H6PD: variants seen among roughly 807,000 people sequenced by gnomAD.
H6PD encodes the protein hexose-6-phosphate dehydrogenase/glucose 1-dehydrogenase.
H6PD carries 48 observed loss-of-function variants against 61.2 expected under a neutral mutation model. The observed-to-expected ratio is 0.78, with a 90% confidence interval of 0.62 to 1.00. The LOEUF is 1.00. H6PD is among the 50% of genes least tolerant of loss of function. H6PD has a pLI of 0.00. For missense variants in H6PD, 1,093 were observed against 1,065.0 expected, an observed-to-expected ratio of 1.03 and a Z score of -0.37; for synonymous variants, 480 against 457.9, an observed-to-expected ratio of 1.05 and a Z score of -0.62.
rs376670846 is a variant in H6PD at position 9,245,428 on chromosome 1, G to A, written c.494G>A (p.Gly165Asp). 1.9e-6 allele frequency: 3 copies of A among 1,614,136 alleles called. No homozygotes were observed. The African/African-American group carries it at 4.0e-5, about 22-fold the overall frequency. The change falls in exon 2 of 5, where the codon GGC becomes GAC. Residue 165 changes from glycine to aspartate, a missense_variant. Physicochemically the swap from Gly to Asp is moderately conservative, Grantham distance 94. Coordinates refer to ENST00000377403, the MANE Select transcript of H6PD (RefSeq NM_004285.4). This position sits in a 1 kb window ranked among gnomAD's most constrained non-coding sequence, Gnocchi z 4.8. Reference sequence around the variant, plus strand: ...AACAGTAGCTGCCGGCCAGGCCCGGGCGCCTGGCTGCGGGTTGTCCTTGAG... The same window carrying A: ...AACAGTAGCTGCCGGCCAGGCCCGGACGCCTGGCTGCGGGTTGTCCTTGAG... ...NINSSCRPGP[G>D]AWLRVVLEKP...
At position 9,262,087 on chromosome 1, in the gene H6PD, T is replaced by G; in HGVS notation, c.774T>G (p.Gly258=). The change falls in exon 4 of 5, where the codon GGT becomes GGG. Residue 258 remains glycine (G), a synonymous_variant. Coordinates refer to ENST00000377403, the MANE Select transcript of H6PD (RefSeq NM_004285.4). ...GCACCAGCTTCTATGAGGAGTACGG[T>G]GTCATTCGCGACGTCCTCCAGAACC... The part of the protein sequence containing the change: ...EGRTSFYEEY[G]VIRDVLQNHL... The G allele has an allele frequency of 6.2e-7, 1 of 1,614,126 alleles. No individual in the cohort carries two copies. The highest frequency in any genetic ancestry group is 8.5e-7 in the Non-Finnish European group (1 of 1,179,994).
At chr1:9,235,322 C>G (rs963827577) in intron 1 of H6PD, among the ~76,000 whole-genome samples, 13 of 152,240 alleles carry the variant, frequency 8.5e-5, no homozygotes, top group Admixed American at 8.5e-4. Flanking sequence ...TCCCCCGGGA[C>G]CTGCTTAATC....
intron 1 of H6PD, among the ~76,000 whole-genome samples, chr1:9,237,673 ATAGT>A (rs1640891098): frequency 6.6e-6 from 1 of 152,182 alleles, no homozygotes; most frequent in Non-Finnish European, 1.5e-5. Flanking sequence ...CATTTGGCAT[ATAGT>A]TAAATACTCC....
chr1:9,263,700 G>A lies in H6PD; in HGVS notation c.1207G>A (p.Gly403Ser), dbSNP rs377461550. 4.8e-5 allele frequency: 77 copies of A among 1,613,992 alleles called. No individual in the cohort carries two copies. The highest frequency in any genetic ancestry group is 6.7e-5 in the Admixed American group (4 of 60,026). The change falls in exon 5 of 5, where the codon GGC becomes AGC. Residue 403 changes from glycine (G) to serine (S), a missense_variant. Gly to Ser is a moderately conservative substitution (Grantham distance 56, BLOSUM62 0). Coordinates refer to ENST00000377403, the MANE Select transcript of H6PD (RefSeq NM_004285.4). Reference protein sequence around the residue: ...CLPRQLVFHIGHGDLGSPAVL... With the variant: ...CLPRQLVFHISHGDLGSPAVL... ...GCCCCGGCAGCTCGTCTTCCACATCGGCCATGGCGACCTGGGCAGCCCTGC... is the reference window on the plus strand; with the variant it reads ...GCCCCGGCAGCTCGTCTTCCACATCAGCCATGGCGACCTGGGCAGCCCTGC...
chr1:9,242,066 AC>A (rs377199049), intron 1 of H6PD, among the ~76,000 whole-genome samples: 2 of 152,264 alleles, frequency 1.3e-5, no homozygotes, highest in African/African-American at 4.8e-5. Flanking sequence ...CTGTGTTAGG[AC>A]CCACCCTACA....
intron 1 of H6PD, chr1:9,240,101 G>GT: frequency 1.2e-6 from 1 of 813,476 alleles, no homozygotes; most frequent in Non-Finnish European, 1.7e-6. Context: ...CTGGGTTCAC[G>GT]TGCCTGCAGT....
At chr1:9,239,865 A>C in intron 1 of H6PD, 13 of 493,708 alleles carry the variant, frequency 2.6e-5, no homozygotes, top group South Asian at 1.0e-4. Flanking sequence ...CTCTGCGGCT[A>C]GAGCTTCAGC....
At chr1:9,250,277 C>A (rs1450479716) in intron 3 of H6PD, among the ~76,000 whole-genome samples, 1 of 152,106 alleles carries the variant, frequency 6.6e-6, no homozygotes, top group Non-Finnish European at 1.5e-5. Context: ...CAGTGGGGCT[C>A]AGCATGGGCA....
rs1638430010 is a variant in H6PD at position 9,263,783 on chromosome 1, G to A, written c.1290G>A (p.Met430Ile). Reference sequence around the variant, plus strand: ...CCCTGCCCTCCAGCTGGAAGGAAATGGAGGGACCACCTGGGCTCCGCCTTT... The same window carrying A: ...CCCTGCCCTCCAGCTGGAAGGAAATAGAGGGACCACCTGGGCTCCGCCTTT... The part of the protein sequence containing the change: ...RPSLPSSWKE[M>I]EGPPGLRLFG... Residue 430 changes from methionine to isoleucine, a missense_variant, in exon 5 of 5, where the codon ATG becomes ATA. By Grantham distance (10) the Met-to-Ile change is conservative. Transcript: ENST00000377403. 1 of 1,614,002 alleles carries A rather than the reference G, an allele frequency of 6.2e-7. No homozygotes were observed. The highest frequency in any genetic ancestry group is 1.3e-5 in the African/African-American group (1 of 75,076).
intron 1 of H6PD, among the ~76,000 whole-genome samples, chr1:9,236,930 C>T (rs1486062684): frequency 6.6e-6 from 1 of 152,134 alleles, no homozygotes; most frequent in Non-Finnish European, 1.5e-5. Flanking sequence ...GAGGCTTATA[C>T]ATGATGTCTT....
At chr1:9,247,165 G>A in intron 3 of H6PD, 82 bp downstream of exon 3, 1 of 975,390 alleles carries the variant, frequency 1.0e-6, no homozygotes, top group South Asian at 1.3e-5. Flanking sequence ...GCTTCTCAGA[G>A]GGAGGTTTTC....
chr1:9,239,914 G>C (rs1640948522), intron 1 of H6PD: 3 of 984,220 alleles, frequency 3.0e-6, no homozygotes, highest in Non-Finnish European at 2.6e-6. Flanking sequence ...TATGGGGACA[G>C]CTGCACGCCT....
chr1:9,260,531 G>A (rs1170358168), intron 3 of H6PD, among the ~76,000 whole-genome samples: 5 of 152,016 alleles, frequency 3.3e-5, no homozygotes, highest in Non-Finnish European at 7.4e-5. Context: ...GTGTTGTTAC[G>A]TTGCTGCTGT....
chr1:9,263,176 AC>A (rs1449785782), intron 4 of H6PD, among the ~76,000 whole-genome samples: 3 of 151,844 alleles, frequency 2.0e-5, no homozygotes, highest in Non-Finnish European at 4.4e-5. Context: ...AGGGTCCCCC[AC>A]CCCACTTGCC....
chr1:9,259,263 T>A (rs1042657529), intron 3 of H6PD, among the ~76,000 whole-genome samples: 1 of 152,178 alleles, frequency 6.6e-6, no homozygotes, highest in Non-Finnish European at 1.5e-5. Context: ...GCTGGGATTA[T>A]GGGCGTGAGC....
chr1:9,252,765 C>T (rs557212497), intron 3 of H6PD, among the ~76,000 whole-genome samples: 17 of 152,156 alleles, frequency 1.1e-4, no homozygotes, highest in Non-Finnish European at 2.4e-4. Context: ...TGCTTTCTAG[C>T]TGTTACTCTC....
intron 3 of H6PD, among the ~76,000 whole-genome samples, chr1:9,258,674 C>T (rs888922811): frequency 2.8e-5 from 4 of 142,632 alleles, no homozygotes; most frequent in South Asian, 2.1e-4. Context: ...GTTGTTGTTA[C>T]GCTGGTGTTA....
At chr1:9,262,444 G>T (rs1397318064) in intron 4 of H6PD, 116 bp downstream of exon 4, 5 of 973,064 alleles carry the variant, frequency 5.1e-6, no homozygotes, top group Non-Finnish European at 7.7e-6. Flanking sequence ...TTTCCCCCAG[G>T]GTGCTCGGAG....
chr1:9,253,896 C>T (rs771575863), intron 3 of H6PD, among the ~76,000 whole-genome samples: 1 of 152,222 alleles, frequency 6.6e-6, no homozygotes, highest in African/African-American at 2.4e-5. Flanking sequence ...CAGTCTTTAT[C>T]AGTGTTTCCT....
Sources: gnomAD v4.1 joint callset for allele counts (sites outside exome capture counted in the v4.1 genomes callset) on GRCh38, gnomAD v4.1.1 for gene constraint, Gnocchi (gnomAD v3.1) non-coding constraint, MANE v1.5 for transcripts, NCBI Gene and HGNC (gene_info 2026-07-23, HGNC 2026-07-21) for gene names.